NDUFAF2: variants seen among roughly 807,000 people sequenced by gnomAD.
NDUFAF2 encodes the protein NADH dehydrogenase [ubiquinone] 1 alpha subcomplex assembly factor 2.
Under a neutral mutation model 22.8 loss-of-function variants are expected in NDUFAF2, and 13 were observed. That is an observed-to-expected ratio of 0.57 (90% CI 0.37 to 0.91). NDUFAF2 has a LOEUF of 0.91. NDUFAF2 is among the 40% of genes least tolerant of loss of function. NDUFAF2 has a pLI of 0.01. For missense variants in NDUFAF2, 162 were observed against 195.2 expected (o/e 0.83, Z 1.01); for synonymous variants, 53 against 64.2 (o/e 0.83, Z 0.84).
chr5:61,078,359 A>T (rs1456172795), intron 2 of NDUFAF2, among the ~76,000 whole-genome samples: 1 of 152,182 alleles, frequency 6.6e-6, no homozygotes, highest in Non-Finnish European at 1.5e-5. Flanking sequence ...AGGAAAAGGC[A>T]TTTTGGGGAG....
chr5:61,152,822 A>C lies in NDUFAF2; in HGVS notation c.377A>C (p.Gln126Pro). The change falls in exon 4 of 4, where the codon CAA becomes CCA. Residue 126 changes from glutamine to proline, a missense_variant. This residue lies in a region of NDUFAF2 where 68 missense variants were observed against 110.0 expected (regional missense o/e 0.62). Coordinates refer to ENST00000296597, the MANE Select transcript of NDUFAF2 (RefSeq NM_174889.5). ...GAGGAACTCCTGCCTCCACCAGTTCAAACTCAAATTAAAGGCCATGCCTCT... is the reference window on the plus strand; with the variant it reads ...GAGGAACTCCTGCCTCCACCAGTTCCAACTCAAATTAAAGGCCATGCCTCT... The part of the protein sequence containing the change: ...TSEELLPPPV[Q>P]TQIKGHASAP... The C allele has an allele frequency of 6.2e-7, 1 of 1,605,182 alleles. No homozygotes were observed. The highest frequency in any genetic ancestry group is 1.3e-5 in the African/African-American group (1 of 74,540).
In NDUFAF2 at chr5:60,946,995, T is replaced by C. The variant is rs150519720; in HGVS notation, c.127+1613T>C. Among the ~76,000 whole-genome samples the C allele has an allele frequency of 3.3e-5, 5 of 152,366 alleles. No individual in the cohort carries two copies. The East Asian group carries it at 9.6e-4, about 29-fold the overall frequency. ...TTTATTGCTCAGTAGTATTCCATTG[T>C]ATGGGTTTGCCAGTTTATCTGTTCA... On this transcript the variant is annotated intron_variant, in intron 1 of 3. Transcript: ENST00000296597.
At chr5:61,087,568 G>A (rs1480246055) in intron 2 of NDUFAF2, among the ~76,000 whole-genome samples, 1 of 152,114 alleles carries the variant, frequency 6.6e-6, no homozygotes, top group African/African-American at 2.4e-5. Context: ...AGTGTAAAAT[G>A]TTACAACTAC....
intron 1 of NDUFAF2, among the ~76,000 whole-genome samples, chr5:61,067,136 A>T (rs1334964695): frequency 6.6e-6 from 1 of 151,870 alleles, no homozygotes; most frequent in Non-Finnish European, 1.5e-5. Context: ...GTATATTTTA[A>T]TTTTTTTTAT....
intron 1 of NDUFAF2, among the ~76,000 whole-genome samples, chr5:61,069,349 C>T (rs555622643): frequency 6.6e-6 from 1 of 152,254 alleles, no homozygotes; most frequent in Admixed American, 6.5e-5. Flanking sequence ...CTGGGCCTGT[C>T]TCTACAACCC....
chr5:61,089,206 T>A (rs1254438602), intron 2 of NDUFAF2, among the ~76,000 whole-genome samples: 4 of 152,124 alleles, frequency 2.6e-5, no homozygotes, highest in Non-Finnish European at 5.9e-5. Context: ...ATCTCATACA[T>A]GCTGATGAGA....
chr5:61,115,948 A>G (rs1345197196), intron 3 of NDUFAF2: 1 of 152,196 alleles, frequency 6.6e-6, no homozygotes, highest in Non-Finnish European at 1.5e-5. Context: ...GAAAGAGAAA[A>G]TAGTCCAGAC....
intron 2 of NDUFAF2, among the ~76,000 whole-genome samples, chr5:61,084,411 G>A (rs1192362138): frequency 6.6e-6 from 1 of 151,944 alleles, no homozygotes; most frequent in South Asian, 2.1e-4. Context: ...AGCATTCATC[G>A]CCAGAACTTT....
chr5:60,998,314 G>C (rs80192112), intron 1 of NDUFAF2, among the ~76,000 whole-genome samples: 2,382 of 152,152 alleles, frequency 0.016, 76 homozygotes, highest in African/African-American at 0.054. Context: ...TATTATAGAT[G>C]ATTTTAAATG....
intron 3 of NDUFAF2, among the ~76,000 whole-genome samples, chr5:61,099,691 A>G (rs1007047330): frequency 2.0e-5 from 3 of 152,052 alleles, no homozygotes; most frequent in Non-Finnish European, 2.9e-5. Flanking sequence ...AAAGACCTCT[A>G]AAGTTATTTT....
At chr5:61,090,070 T>A (rs1231457597) in intron 2 of NDUFAF2, among the ~76,000 whole-genome samples, 1 of 152,076 alleles carries the variant, frequency 6.6e-6, no homozygotes, top group African/African-American at 2.4e-5. Context: ...CTGGTGTGTC[T>A]TCATAGACTC....
chr5:61,124,867 A>G (rs1450333906), intron 3 of NDUFAF2, among the ~76,000 whole-genome samples: 1 of 152,144 alleles, frequency 6.6e-6, no homozygotes, highest in African/African-American at 2.4e-5. Flanking sequence ...AAAGAGGTTT[A>G]ATGGACGCAC....
At chr5:61,120,997 AT>A (rs200827324) in intron 3 of NDUFAF2, among the ~76,000 whole-genome samples, 2,585 of 152,140 alleles carry the variant, frequency 0.017, 79 homozygotes, top group African/African-American at 0.059. Flanking sequence ...TAAATTTGAC[AT>A]TTTTTTAATG....
chr5:61,129,862 A>G (rs1374860806), intron 3 of NDUFAF2, among the ~76,000 whole-genome samples: 1 of 152,078 alleles, frequency 6.6e-6, no homozygotes, highest in African/African-American at 2.4e-5. Flanking sequence ...CACTATGCAA[A>G]TAAAACCCAG....
At chr5:61,147,653 T>C (rs918478146) in intron 3 of NDUFAF2, among the ~76,000 whole-genome samples, 9 of 152,054 alleles carry the variant, frequency 5.9e-5, no homozygotes, top group African/African-American at 2.2e-4. Context: ...ATGGAAATGT[T>C]TTATAACTGT....
At chr5:61,145,281 T>C (rs1741122454) in intron 3 of NDUFAF2, among the ~76,000 whole-genome samples, 1 of 152,144 alleles carries the variant, frequency 6.6e-6, no homozygotes, top group Admixed American at 6.6e-5. Context: ...CATCACTGAG[T>C]AAATGAATAG....
intron 1 of NDUFAF2, among the ~76,000 whole-genome samples, chr5:61,070,664 T>A (rs1308675155): frequency 6.6e-6 from 1 of 151,734 alleles, no homozygotes; most frequent in Non-Finnish European, 1.5e-5. Context: ...TAACTTTTGA[T>A]TTTTTAAATC....
At chr5:61,147,380 C>T (rs1741154493) in intron 3 of NDUFAF2, among the ~76,000 whole-genome samples, 1 of 149,734 alleles carries the variant, frequency 6.7e-6, no homozygotes, top group Non-Finnish European at 1.5e-5. Flanking sequence ...TCCCGAGTAG[C>T]TGGGACCACA....
chr5:61,116,993 A>C (rs974830890), intron 3 of NDUFAF2, among the ~76,000 whole-genome samples: 1 of 152,096 alleles, frequency 6.6e-6, no homozygotes, highest in Non-Finnish European at 1.5e-5. Flanking sequence ...AAAAATAATC[A>C]TTTTCTACTA....
Sources: gnomAD v4.1 joint callset for allele counts (sites outside exome capture counted in the v4.1 genomes callset) on GRCh38, gnomAD v4.1.1 for gene constraint, gnomAD v4.1.1 regional missense constraint, MANE v1.5 for transcripts, NCBI Gene and HGNC (gene_info 2026-07-23, HGNC 2026-07-21) for gene names.